The following TMEM117 variants were observed in gnomAD, a reference collection of about 807,000 sequenced individuals.
TMEM117 encodes transmembrane protein 117.
A neutral mutation model predicts 52.4 loss-of-function variants in TMEM117; 27 were observed. The observed-to-expected ratio is 0.51, with a 90% confidence interval of 0.38 to 0.71. The LOEUF is 0.71. TMEM117 is among the 30% of genes least tolerant of loss of function. The pLI, the probability that TMEM117 is intolerant of heterozygous loss-of-function variation, is 0.00. For synonymous variants in TMEM117, 215 were observed against 206.3 expected (o/e 1.04, Z -0.36); for missense variants, 556 against 630.5 (o/e 0.88, Z 1.26).
chr12:44,155,943 C>G (rs1370862575), intron 4 of TMEM117, among the ~76,000 whole-genome samples: 2 of 151,936 alleles, frequency 1.3e-5, no homozygotes, highest in African/African-American at 2.4e-5. Flanking sequence ...TCTATCGCAC[C>G]CTTAAACTTA....
At chr12:44,021,592 T>C (rs1339503043) in intron 3 of TMEM117, among the ~76,000 whole-genome samples, 1 of 152,232 alleles carries the variant, frequency 6.6e-6, no homozygotes, top group Non-Finnish European at 1.5e-5. Flanking sequence ...AGCATATTTT[T>C]AGACACTTAG....
At chr12:44,178,408 A>G (rs1419868720) in intron 4 of TMEM117, among the ~76,000 whole-genome samples, 3 of 152,204 alleles carry the variant, frequency 2.0e-5, no homozygotes, top group Admixed American at 1.3e-4. Flanking sequence ...TTCTTTTAAT[A>G]GACGTTTTCA....
intron 6 of TMEM117, among the ~76,000 whole-genome samples, chr12:44,311,877 GTATATATGTATATATATGTGTATA>G (rs1565701941): frequency 8.9e-6 from 1 of 112,818 alleles, no homozygotes; most frequent in East Asian, 2.2e-4. Flanking sequence ...GTATATATAT[GTATATATGTATATATATGTGTATA>G]TATATATGTG....
chr12:44,352,979 A>G (rs541048924), intron 6 of TMEM117, among the ~76,000 whole-genome samples: 2 of 152,160 alleles, frequency 1.3e-5, no homozygotes, highest in Non-Finnish European at 2.9e-5. Flanking sequence ...CTTTTTAATG[A>G]TCGCCATTCT....
intron 5 of TMEM117, among the ~76,000 whole-genome samples, chr12:44,284,992 T>G (rs1950621017): frequency 6.6e-6 from 1 of 152,240 alleles, no homozygotes; most frequent in Non-Finnish European, 1.5e-5. Context: ...AATACAATTA[T>G]TTCAATCATC....
intron 3 of TMEM117, among the ~76,000 whole-genome samples, chr12:44,138,389 G>A (rs1948522260): frequency 6.6e-6 from 1 of 152,028 alleles, no homozygotes; most frequent in Non-Finnish European, 1.5e-5. Flanking sequence ...GTAAAGGAAA[G>A]GGAGAAATTG....
chr12:44,398,559 C>T, the TMEM117 span, among the ~76,000 whole-genome samples: 3 of 152,146 alleles, frequency 2.0e-5, no homozygotes, highest in African/African-American at 4.8e-5. Flanking sequence ...ATTCTAGTCC[C>T]AACCACCAGA....
intron 3 of TMEM117, among the ~76,000 whole-genome samples, chr12:44,116,567 G>A (rs922027984): frequency 1.7e-4 from 26 of 152,114 alleles, no homozygotes; most frequent in African/African-American, 6.0e-4. Context: ...CTTGATCCCG[G>A]TGCAGACTAG....
intron 3 of TMEM117, among the ~76,000 whole-genome samples, chr12:43,978,566 G>T (rs71455469): frequency 6.6e-6 from 1 of 152,092 alleles, no homozygotes; most frequent in South Asian, 2.1e-4. Context: ...TAGGTATGGG[G>T]GAGTGAACTA....
At chr12:44,106,128 C>G (rs912179713) in intron 3 of TMEM117, among the ~76,000 whole-genome samples, 5 of 152,034 alleles carry the variant, frequency 3.3e-5, no homozygotes, top group African/African-American at 1.2e-4. Context: ...ACCTGTCTGT[C>G]TTTCCAGTTT....
At chr12:43,972,878 C>T (rs1945614053) in intron 3 of TMEM117, among the ~76,000 whole-genome samples, 2 of 152,210 alleles carry the variant, frequency 1.3e-5, no homozygotes, top group South Asian at 4.1e-4. Context: ...GGAAGTCCAG[C>T]TGGCTTCACC....
intron 6 of TMEM117, among the ~76,000 whole-genome samples, chr12:44,346,568 C>T (rs1264482817): frequency 6.6e-6 from 1 of 152,108 alleles, no homozygotes; most frequent in Non-Finnish European, 1.5e-5. Flanking sequence ...ATTTGTCTTT[C>T]AGACTCTTGC....
At chr12:43,979,088 A>C (rs1945718373) in intron 3 of TMEM117, among the ~76,000 whole-genome samples, 1 of 151,874 alleles carries the variant, frequency 6.6e-6, no homozygotes, top group Non-Finnish European at 1.5e-5. Context: ...TTTGTAACTT[A>C]TCAGTAGTTA....
intron 3 of TMEM117, among the ~76,000 whole-genome samples, chr12:44,117,187 TTCA>T (rs1948158972): frequency 2.0e-5 from 3 of 152,146 alleles, no homozygotes; most frequent in Admixed American, 2.0e-4. Flanking sequence ...GTGCCTTGAG[TTCA>T]TCATCATCTC....
chr12:44,153,506 G>A (rs73290228), intron 4 of TMEM117, among the ~76,000 whole-genome samples: 4,650 of 151,972 alleles, frequency 0.031, 159 homozygotes, highest in African/African-American at 0.083. Flanking sequence ...TAACCATCAC[G>A]TCTCAGCCAA....
intron 3 of TMEM117, among the ~76,000 whole-genome samples, chr12:44,070,558 T>C (rs1947286412): frequency 6.6e-6 from 1 of 152,148 alleles, no homozygotes. Flanking sequence ...GCTCTTCATG[T>C]ACATTTTCTC....
Position 44,361,390 on chromosome 12 carries a change from A to AGT in TMEM117, c.769-15205_769-15204insGT, listed in dbSNP as rs140022805. On this transcript the variant is annotated intron_variant, in intron 6 of 7. Transcript: ENST00000266534. Reference sequence around the variant, plus strand: ...GTATTCCCCAATGGGTCCATAGGGAACTTCTTTCAAGACTCTATTACTAAT... The same window carrying AGT: ...GTATTCCCCAATGGGTCCATAGGGAAGTCTTCTTTCAAGACTCTATTACTAAT... Among the ~76,000 whole-genome samples, 223 of 152,248 alleles carry AGT rather than the reference A, an allele frequency of 1.5e-3. 2 individuals carry two copies. In the East Asian group the frequency reaches 0.038, roughly 26 times the overall value.
chr12:43,805,089 G>T, the TMEM117 span, among the ~76,000 whole-genome samples: 1 of 152,122 alleles, frequency 6.6e-6, no homozygotes. Context: ...TTTCTAACTT[G>T]CATTTCTCAA....
intron 6 of TMEM117, among the ~76,000 whole-genome samples, chr12:44,372,875 T>C (rs775929442): frequency 6.6e-6 from 1 of 152,212 alleles, no homozygotes; most frequent in Non-Finnish European, 1.5e-5. Context: ...CTGAGGCAGA[T>C]GTTCACATCT....
Sources: allele counts gnomAD v4.1 joint callset (sites outside exome capture counted in the v4.1 genomes callset), GRCh38; gene constraint gnomAD v4.1.1; transcripts MANE v1.5; gene names NCBI Gene and HGNC (gene_info 2026-07-23, HGNC 2026-07-21).